The following ACP6 variants were observed in gnomAD, a reference collection of about 807,000 sequenced individuals.
The protein encoded by ACP6 is acid phosphatase 6, lysophosphatidic.
ACP6 carries 48 observed loss-of-function variants against 48.1 expected under a neutral mutation model. The observed-to-expected ratio is 1.00, with a 90% CI of 0.79 to 1.27. The LOEUF is 1.27. Ranked by LOEUF, ACP6 falls within the 50% of genes most tolerant of loss-of-function variation. The pLI, the probability that ACP6 is intolerant of heterozygous loss-of-function variation, is 0.00. For missense variants in ACP6, 485 were observed against 529.1 expected (o/e 0.92, Z 0.82); for synonymous variants, 172 against 204.2 (o/e 0.84, Z 1.34).
At chr1:147,632,222 C>CACACACA (rs1420823560) in intron 5 of ACP6, among the ~76,000 whole-genome samples, 6 of 151,224 alleles carry the variant, frequency 4.0e-5, no homozygotes, top group African/African-American at 1.5e-4. Context: ...CACACACACA[C>CACACACA]ACCATCATTT....
Position 147,643,819 on chromosome 1 carries a change from A to T in ACP6, c.*3604T>A, listed in dbSNP as rs57359024. The T allele has an allele frequency of 0.063, 9,661 of 152,284 alleles. 855 individuals carry two copies. The highest frequency in any genetic ancestry group is 0.2 in the African/African-American group (8,283 of 41,482). 9.4% of individuals were successfully genotyped at this position (152,284 alleles called of 1,614,324 possible). A position where few individuals can be genotyped will look rare whatever the true frequency, so the allele number is the denominator to read the frequency against. On this transcript the variant is annotated 3_prime_UTR_variant, in exon 10 of 10. Transcript: ENST00000583509. ...GAATACCACAGATGGGGTAATTTGT[A>T]ATGAACAGAAATTTATTATCTCACA...
downstream of ACP6, among the ~76,000 whole-genome samples, chr1:147,641,707 T>G (rs1352465884): frequency 6.6e-6 from 1 of 152,136 alleles, no homozygotes; most frequent in Non-Finnish European, 1.5e-5. Context: ...AATCATCAGG[T>G]AGATAAACAT....
At position 147,643,793 on chromosome 1, in the gene ACP6, A is replaced by G. The variant is rs587716047; in HGVS notation, c.*3630T>C. On this transcript the variant is annotated 3_prime_UTR_variant, in exon 10 of 10. Coordinates refer to ENST00000583509, the MANE Select transcript of ACP6 (RefSeq NM_016361.5). Reference sequence around the variant, plus strand: ...TTAGTCCATTTTGTGTTGCTATAACAGAATACCACAGATGGGGTAATTTGT... The same window carrying G: ...TTAGTCCATTTTGTGTTGCTATAACGGAATACCACAGATGGGGTAATTTGT... 3.3e-5 allele frequency: 5 copies of G among 152,320 alleles called. No homozygotes were observed. In the East Asian group the frequency reaches 9.6e-4, roughly 29 times the overall value. 9.4% of individuals were successfully genotyped at this position (152,320 alleles called of 1,614,324 possible). A position where few individuals can be genotyped will look rare whatever the true frequency, so the allele number is the denominator to read the frequency against.
intron 5 of ACP6, among the ~76,000 whole-genome samples, chr1:147,631,790 G>T (rs1418289347): frequency 1.3e-5 from 2 of 151,948 alleles, no homozygotes; most frequent in Non-Finnish European, 2.9e-5. Flanking sequence ...CTCCAGCCTG[G>T]GCGACAGAGT....
At chr1:147,665,917 A>G (rs1660770932) in intron 1 of ACP6, among the ~76,000 whole-genome samples, 1 of 152,244 alleles carries the variant, frequency 6.6e-6, no homozygotes, top group Admixed American at 6.5e-5. Context: ...GCAAAGACTA[A>G]CTTGATAATT....
chr1:147,661,402 T>C (rs587721118), intron 1 of ACP6, among the ~76,000 whole-genome samples: 1 of 152,224 alleles, frequency 6.6e-6, no homozygotes, highest in South Asian at 2.1e-4. Flanking sequence ...TTTTAACTAT[T>C]TGGGAGCGCC....
rs587637562 is a variant in ACP6, at chr1:147,644,939, T to A, written c.*2484A>T. 4.0e-5 allele frequency: 6 copies of A among 151,766 alleles called. No individual in the cohort carries two copies. The highest frequency in any genetic ancestry group is 1.2e-4 in the African/African-American group (5 of 41,434). The allele number at this position is 151,766 out of a possible 1,614,324, so 9.4% of individuals were successfully genotyped here. Reference sequence around the variant, plus strand: ...CAGGGAAAGGTCTAGGTTGAAGGTATAAATTTAGGAGACATTGTGTAAATA... The same window carrying A: ...CAGGGAAAGGTCTAGGTTGAAGGTAAAAATTTAGGAGACATTGTGTAAATA... On this transcript the variant is annotated 3_prime_UTR_variant, in exon 10 of 10. Coordinates refer to ENST00000583509, the MANE Select transcript of ACP6 (RefSeq NM_016361.5).
In ACP6 at chr1:147,659,492, C is replaced by T. The variant is rs868976731; in HGVS notation, c.383G>A (p.Gly128Asp). ...TCCCAAGGCAAACATTTGCTGCATG[C>T]CCACCTTGGTCAGCTGCCCAGCAAA... ...GMFAGQLTKVGMQQMFALGER... is the reference protein window; with the variant it reads ...GMFAGQLTKVDMQQMFALGER... The change falls in exon 3 of 10, where the codon GGC (glycine) becomes GAC (aspartate). Residue 128 changes from glycine (G) to aspartate (D), a missense_variant. By Grantham distance (94) the Gly-to-Asp change is moderately conservative. Coordinates refer to ENST00000583509, the MANE Select transcript of ACP6 (RefSeq NM_016361.5). 8 of 1,614,054 alleles carry T rather than the reference C, an allele frequency of 5.0e-6. No homozygotes were observed. In the African/African-American group the frequency reaches 6.7e-5, roughly 13 times the overall value.
intron 1 of ACP6, among the ~76,000 whole-genome samples, chr1:147,661,840 G>A (rs1403034124): frequency 6.6e-6 from 1 of 152,202 alleles, no homozygotes; most frequent in Non-Finnish European, 1.5e-5. Flanking sequence ...AGAAGAAACA[G>A]CCTATATAGG....
rs782663351 is a variant in ACP6 at position 147,659,026 on chromosome 1, T to C, written c.493A>G (p.Asn165Asp). 1.2e-6 allele frequency: 2 copies of C among 1,611,562 alleles called. No homozygotes were observed. The highest frequency in any genetic ancestry group is 1.7e-5 in the Admixed American group (1 of 59,478). ...GTGGACTCCAGATTCCGAAAAATGTTAGTGGAACGAATACTGAAAAAAATG... is the reference window on the plus strand; with the variant it reads ...GTGGACTCCAGATTCCGAAAAATGTCAGTGGAACGAATACTGAAAAAAATG... ...NPQEVFIRST[N>D]IFRNLESTRC... Residue 165 changes from asparagine (N) to aspartate (D), a missense_variant, in exon 4 of 10, where the codon AAC becomes GAC. Coordinates refer to ENST00000583509, the MANE Select transcript of ACP6 (RefSeq NM_016361.5).
rs1279837462 is a variant in ACP6 at position 147,652,522 on chromosome 1, G to C, written c.808C>G (p.Leu270Val). 1.2e-6 allele frequency: 2 copies of C among 1,613,978 alleles called. No homozygotes were observed. Among genetic ancestry groups the C allele is most frequent in the Non-Finnish European group, 1.7e-6 (2 of 1,180,034 alleles). ...QAHNLPSCPMLKRFARMIEQR... is the reference protein window; with the variant it reads ...QAHNLPSCPMVKRFARMIEQR... ...TCGATCATCCTTGCAAATCTCTTCA[G>C]CATGGGGCAGCTTGGGAGGTTGTGT... The change falls in exon 7 of 10, where the codon CTG (leucine) becomes GTG (valine). Residue 270 changes from leucine to valine, a missense_variant. Transcript: ENST00000583509.
At position 147,669,961 on chromosome 1, in the gene ACP6, CCA is replaced by C. The variant is rs1661009304; in HGVS notation, c.86_87del (p.Val29GlyfsTer61). 2 of 1,548,128 alleles carry C rather than the reference CCA, an allele frequency of 1.3e-6. No individual in the cohort carries two copies. ...SLAYCLHQRR[V>X]ALAELQEADG... ...TCGGCCTCCTGCAGCTCGGCCAGGG[CCA>C]CCCGCCGCTGGTGCAGGCAGTACGC... On this transcript the variant is annotated frameshift_variant, in exon 1 of 10. Transcript: ENST00000583509. LOFTEE classifies it high-confidence loss of function.
exon 6 of ACP6, chr1:147,630,435 A>G (rs1553207201): frequency 6.6e-6 from 1 of 152,222 alleles, no homozygotes; most frequent in Non-Finnish European, 1.5e-5. Context: ...TGTTTTCTAC[A>G]GCCGAAGTTC....
intron 1 of ACP6, among the ~76,000 whole-genome samples, chr1:147,664,693 A>T (rs1018135898): frequency 6.6e-6 from 1 of 152,192 alleles, no homozygotes; most frequent in South Asian, 2.1e-4. Context: ...GAAGATACCC[A>T]TCTTGAGAAA....
rs1373351303 is a variant in ACP6, at chr1:147,669,999, A to T, written c.50T>A (p.Leu17Gln). ...GTGCAGGCAGTACGCCAGCGAGGTCAGGACGCCCACTGGGGTCCACAAGCG... is the reference window on the plus strand; with the variant it reads ...GTGCAGGCAGTACGCCAGCGAGGTCTGGACGCCCACTGGGGTCCACAAGCG... Reference protein sequence around the residue: ...SMRLWTPVGVLTSLAYCLHQR... With the variant: ...SMRLWTPVGVQTSLAYCLHQR... The change falls in exon 1 of 10, where the codon CTG becomes CAG. Residue 17 changes from leucine (L) to glutamine (Q), a missense_variant. Physicochemically the swap from Leu to Gln is moderately radical, Grantham distance 113 (BLOSUM62 -2). Transcript: ENST00000583509. 1 of 1,547,440 alleles carries T rather than the reference A, an allele frequency of 6.5e-7. No homozygotes were observed. The highest frequency in any genetic ancestry group is 2.4e-5 in the East Asian group (1 of 40,880).
intron 1 of ACP6, among the ~76,000 whole-genome samples, chr1:147,666,696 C>T (rs1209738439): frequency 6.6e-6 from 1 of 152,096 alleles, no homozygotes; most frequent in African/African-American, 2.4e-5. Context: ...TACCCCGGAC[C>T]AATTAAATTA....
chr1:147,668,441 A>T (rs1204138833), intron 1 of ACP6, among the ~76,000 whole-genome samples: 1 of 152,006 alleles, frequency 6.6e-6, no homozygotes, highest in African/African-American at 2.4e-5. Context: ...TATATGGTAC[A>T]TACTAGGTCT....
rs2148907756 is a variant in ACP6 at position 147,654,223 on chromosome 1, TGAA to T, written c.748_750del (p.Phe250del). 6.2e-7 allele frequency: 1 copy of T among 1,614,218 alleles called. No individual in the cohort carries two copies. Among genetic ancestry groups the T allele is most frequent in the Middle Eastern group, 1.7e-4 (1 of 6,058 alleles). ...TCGGCAGCCACGTTGTCCAGGAGGA[TGAA>T]GAAGTCCACTTTATCACTACTGTCA... On this transcript the variant is annotated inframe_deletion, in exon 6 of 10. Coordinates refer to ENST00000583509, the MANE Select transcript of ACP6 (RefSeq NM_016361.5).
intron 1 of ACP6, among the ~76,000 whole-genome samples, chr1:147,663,699 G>C (rs1660659529): frequency 6.6e-6 from 1 of 152,076 alleles, no homozygotes; most frequent in Non-Finnish European, 1.5e-5. Flanking sequence ...CCTGTACTCA[G>C]CTTCACTGCC....
Sources: gnomAD v4.1 joint callset for allele counts (sites outside exome capture counted in the v4.1 genomes callset) on GRCh38, gnomAD v4.1.1 for gene constraint, MANE v1.5 for transcripts, NCBI Gene and HGNC (gene_info 2026-07-23, HGNC 2026-07-21) for gene names.